TENM2: variants seen among roughly 807,000 people sequenced by gnomAD.
TENM2 encodes the protein teneurin transmembrane protein 2.
TENM2 carries 52 observed loss-of-function variants against 245.2 expected under a neutral mutation model. The ratio of observed to expected loss-of-function variants is 0.21; its 90% CI spans 0.17 to 0.27. The LOEUF (loss-of-function observed/expected upper bound fraction) is 0.27. Ranked by LOEUF, TENM2 falls within the 10% of genes least tolerant of loss-of-function variation. TENM2 has a pLI of 1.00. For missense variants in TENM2, 3,046 were observed against 3,666.8 expected, an observed-to-expected ratio of 0.83 and a Z score of 4.37; for synonymous variants, 1,363 against 1,438.9, an observed-to-expected ratio of 0.95 and a Z score of 1.19.
rs141060319 is a variant in TENM2, at chr5:167,797,445, T to C, written c.503-78541T>C. Reference sequence around the variant, plus strand: ...GGGAACTTCTTGTTTAGAAATAATGTCTTCATCAAACTACCCATTATGGAC... The same window carrying C: ...GGGAACTTCTTGTTTAGAAATAATGCCTTCATCAAACTACCCATTATGGAC... On this transcript the variant is annotated intron_variant, in intron 2 of 28. Transcript: ENST00000518659. Among the ~76,000 whole-genome samples the C allele has an allele frequency of 4.8e-3, 726 of 152,294 alleles. 3 individuals carry two copies. The highest frequency in any genetic ancestry group is 8.1e-3 in the Non-Finnish European group (548 of 68,032).
At chr5:168,137,445 A>G (rs938894637) in intron 12 of TENM2, among the ~76,000 whole-genome samples, 2 of 152,142 alleles carry the variant, frequency 1.3e-5, no homozygotes, top group Non-Finnish European at 2.9e-5. Context: ...CAAAATAACC[A>G]CCTCACAAGC....
intron 3 of TENM2, among the ~76,000 whole-genome samples, chr5:167,877,672 G>A (rs1773542078): frequency 6.6e-6 from 1 of 152,122 alleles, no homozygotes; most frequent in African/African-American, 2.4e-5. Flanking sequence ...TCAAAATCAG[G>A]CTTAAAATGA....
chr5:168,233,199 G>T (rs1321612820), intron 25 of TENM2, among the ~76,000 whole-genome samples: 1 of 152,186 alleles, frequency 6.6e-6, no homozygotes, highest in African/African-American at 2.4e-5. Context: ...GGTGGCGCAT[G>T]CCTGTAATCC....
the TENM2 span, among the ~76,000 whole-genome samples, chr5:167,030,058 C>T: frequency 1.3e-5 from 2 of 152,152 alleles, no homozygotes; most frequent in Non-Finnish European, 2.9e-5. Context: ...AATCCATGAT[C>T]GTCAGGGGTC....
chr5:167,594,146 G>C (rs1420095074), intron 2 of TENM2, among the ~76,000 whole-genome samples: 1 of 152,132 alleles, frequency 6.6e-6, no homozygotes. Flanking sequence ...CCTTAAATAT[G>C]TCAGTGGATT....
chr5:167,890,112 T>C (rs538075066), intron 3 of TENM2, among the ~76,000 whole-genome samples: 3 of 152,226 alleles, frequency 2.0e-5, no homozygotes, highest in Non-Finnish European at 4.4e-5. Context: ...CAGACCCTTC[T>C]CCTCTTGGGC....
At chr5:167,566,641 T>C (rs1490800607) in intron 2 of TENM2, among the ~76,000 whole-genome samples, 1 of 152,196 alleles carries the variant, frequency 6.6e-6, no homozygotes, top group Non-Finnish European at 1.5e-5. Flanking sequence ...GCTGTGATCA[T>C]TGTGCAACTT....
intron 2 of TENM2, chr5:167,728,743 C>G (rs2150548400): frequency 6.5e-6 from 1 of 152,978 alleles, no homozygotes; most frequent in South Asian, 2.1e-4. Context: ...CCTACACCCC[C>G]CAACAAAAAT....
At chr5:168,032,948 A>G (rs1787270092) in intron 5 of TENM2, 1 of 152,234 alleles carries the variant, frequency 6.6e-6, no homozygotes, top group Non-Finnish European at 1.5e-5. Flanking sequence ...ACACTTCTGT[A>G]TTACAATAGT....
At chr5:168,065,529 A>G (rs893103276) in intron 7 of TENM2, among the ~76,000 whole-genome samples, 2 of 152,242 alleles carry the variant, frequency 1.3e-5, no homozygotes, top group Non-Finnish European at 2.9e-5. Flanking sequence ...AAAGCGCAAT[A>G]GAAAGCTATG....
At chr5:167,479,994 T>G (rs1401804441) in intron 2 of TENM2, among the ~76,000 whole-genome samples, 1 of 152,190 alleles carries the variant, frequency 6.6e-6, no homozygotes, top group Non-Finnish European at 1.5e-5. Flanking sequence ...TCCAGGAATC[T>G]GCATTTTATA....
the TENM2 span, among the ~76,000 whole-genome samples, chr5:167,271,971 C>A: frequency 6.6e-6 from 1 of 152,136 alleles, no homozygotes; most frequent in South Asian, 2.1e-4. Flanking sequence ...TTTCCTTGGT[C>A]TACCCAGCGG....
chr5:167,597,165 CTTTT>C (rs34227363), intron 2 of TENM2, among the ~76,000 whole-genome samples: 3 of 53,790 alleles, frequency 5.6e-5, no homozygotes, highest in Non-Finnish European at 8.0e-5. Context: ...CTTTTCTTTT[CTTTT>C]TTTTTTTTTT....
At chr5:167,003,548 T>G in the TENM2 span, among the ~76,000 whole-genome samples, 13 of 152,174 alleles carry the variant, frequency 8.5e-5, no homozygotes, top group African/African-American at 2.4e-4. Context: ...TAGCATCAAT[T>G]TAATTTATTG....
intron 2 of TENM2, among the ~76,000 whole-genome samples, chr5:167,622,796 A>T (rs1173412852): frequency 6.6e-6 from 1 of 152,164 alleles, no homozygotes; most frequent in Admixed American, 6.6e-5. Context: ...GAATTCAAAC[A>T]TCCAAAGAGG....
At chr5:167,579,315 G>A (rs1271168104) in intron 2 of TENM2, among the ~76,000 whole-genome samples, 4 of 152,206 alleles carry the variant, frequency 2.6e-5, no homozygotes, top group East Asian at 1.9e-4. Context: ...TTTTGCCACT[G>A]TGTGTTTGCA....
Position 168,244,669 on chromosome 5 carries a change from C to A in TENM2, c.5770C>A (p.Arg1924Ser). 1 of 1,502,706 alleles carries A rather than the reference C, an allele frequency of 6.7e-7. No homozygotes were observed. Among genetic ancestry groups the A allele is most frequent in the Non-Finnish European group, 9.0e-7 (1 of 1,114,592 alleles). The allele number at this position is 1,502,706 out of a possible 1,614,324, so 93.1% of individuals were successfully genotyped here. A position where few individuals can be genotyped will look rare whatever the true frequency, so the allele number is the denominator to read the frequency against. Residue 1924 changes from arginine (R) to serine (S), a missense_variant, in exon 26 of 29, where the codon CGC becomes AGC. Coordinates refer to ENST00000518659, the Ensembl canonical transcript of TENM2. The surrounding 1 kb of genome is among the most constrained non-coding windows in gnomAD (Gnocchi z 4.9). ...CGACAAGCAAGGCCGCATCGTGTCCCGCATGTTCGCTGACGGGAAAGTGTG... is the reference window on the plus strand; with the variant it reads ...CGACAAGCAAGGCCGCATCGTGTCCAGCATGTTCGCTGACGGGAAAGTGTG...
the TENM2 span, among the ~76,000 whole-genome samples, chr5:166,999,393 G>A: frequency 6.6e-6 from 1 of 152,184 alleles, no homozygotes; most frequent in Non-Finnish European, 1.5e-5. Context: ...ACAAATACCA[G>A]AACCACATCG....
the TENM2 span, among the ~76,000 whole-genome samples, chr5:167,146,842 G>A: frequency 6.6e-6 from 1 of 151,680 alleles, no homozygotes; most frequent in East Asian, 1.9e-4. Context: ...TTTTCTTGGG[G>A]GAATATATGT....
Sources: gnomAD v4.1 joint callset for allele counts (sites outside exome capture counted in the v4.1 genomes callset) on GRCh38, gnomAD v4.1.1 for gene constraint, Gnocchi (gnomAD v3.1) non-coding constraint, MANE v1.5 for transcripts, NCBI Gene and HGNC (gene_info 2026-07-23, HGNC 2026-07-21) for gene names.